Variants in U2SURP observed in about 807,000 individuals in gnomAD.
The protein encoded by U2SURP is U2 snRNP-associated SURP motif-containing protein.
Under a neutral mutation model 144.9 loss-of-function variants are expected in U2SURP, and 9 were observed. The ratio of observed to expected loss-of-function variants is 0.06; its 90% CI spans 0.04 to 0.11. The LOEUF is 0.11. Ranked by LOEUF, U2SURP falls within the 10% of genes least tolerant of loss-of-function variation. U2SURP has a pLI of 1.00. For missense variants in U2SURP, 724 were observed against 1,226.7 expected, an observed-to-expected ratio of 0.59 and a Z score of 6.12; for synonymous variants, 408 against 396.8, an observed-to-expected ratio of 1.03 and a Z score of -0.33.
chr3:143,035,116 T>C, intron 19 of U2SURP, 141 bp downstream of exon 19: 1 of 455,990 alleles, frequency 2.2e-6, no homozygotes, highest in Middle Eastern at 3.3e-4. Context: ...GTTTTAAAAT[T>C]CTGTCGTTTT....
In U2SURP at chr3:143,056,873, A is replaced by G. The variant is rs560781411; in HGVS notation, c.*423A>G. 2 of 173,714 alleles carry G rather than the reference A, an allele frequency of 1.2e-5. No homozygotes were observed. Among genetic ancestry groups the G allele is most frequent in the Non-Finnish European group, 1.2e-5 (1 of 80,128 alleles). 10.8% of individuals were successfully genotyped at this position (173,714 alleles called of 1,614,324 possible). ...GTTGTTTTTTTGCCCCACCGGTGATATTAAGTCCCTTAAAGTCCTACTGAG... is the reference window on the plus strand; with the variant it reads ...GTTGTTTTTTTGCCCCACCGGTGATGTTAAGTCCCTTAAAGTCCTACTGAG... On this transcript the variant is annotated 3_prime_UTR_variant, in exon 28 of 28. Transcript: ENST00000473835.
At chr3:143,049,705 T>C (rs892108661) in intron 24 of U2SURP, among the ~76,000 whole-genome samples, 1 of 152,214 alleles carries the variant, frequency 6.6e-6, no homozygotes, top group African/African-American at 2.4e-5. Flanking sequence ...GGATAGTTTT[T>C]ATTTTAACCA....
chr3:143,038,421 A>G (rs1281255665), intron 22 of U2SURP, among the ~76,000 whole-genome samples: 1 of 152,006 alleles, frequency 6.6e-6, no homozygotes, highest in Non-Finnish European at 1.5e-5. Context: ...GAGTAATGAG[A>G]TATCACTGAA....
chr3:143,046,244 T>A (rs924570825), intron 24 of U2SURP, among the ~76,000 whole-genome samples: 4 of 150,122 alleles, frequency 2.7e-5, no homozygotes, highest in African/African-American at 9.7e-5. Flanking sequence ...CTATATGATG[T>A]TGTGGTGGCC....
intron 4 of U2SURP, among the ~76,000 whole-genome samples, 200 bp from the exon 5 acceptor site, chr3:143,016,050 CTGCAAAT>C (rs1031395957): frequency 2.0e-5 from 3 of 152,090 alleles, no homozygotes; most frequent in Non-Finnish European, 2.9e-5. Context: ...TTTTCTAGTT[CTGCAAAT>C]TGCCGGTAGA....
At chr3:143,041,234 C>G (rs749977388) in intron 23 of U2SURP, among the ~76,000 whole-genome samples, 2 of 151,842 alleles carry the variant, frequency 1.3e-5, no homozygotes, top group Non-Finnish European at 3.0e-5. Context: ...CACACATACA[C>G]TTCAATCTAA....
chr3:143,026,507 A>G (rs1933156756), intron 13 of U2SURP: 1 of 152,158 alleles, frequency 6.6e-6, no homozygotes, highest in Non-Finnish European at 1.5e-5. Context: ...TATTTCATGA[A>G]TTGTGAACTA....
intron 1 of U2SURP, among the ~76,000 whole-genome samples, chr3:143,004,884 A>T (rs991728668): frequency 1.3e-5 from 2 of 152,010 alleles, no homozygotes; most frequent in Non-Finnish European, 2.9e-5. Flanking sequence ...AGGGGTGTTG[A>T]TGTTATGTAG....
At chr3:143,030,652 T>G (rs1933426669) in intron 16 of U2SURP, among the ~76,000 whole-genome samples, 1 of 152,186 alleles carries the variant, frequency 6.6e-6, no homozygotes, top group African/African-American at 2.4e-5. Context: ...AAGAAATATA[T>G]TTCATAAGGC....
chr3:143,015,723 C>T (rs999505256), intron 4 of U2SURP, among the ~76,000 whole-genome samples: 1 of 151,894 alleles, frequency 6.6e-6, no homozygotes, highest in Non-Finnish European at 1.5e-5. Context: ...TTCCATTGGC[C>T]TTTCTTCTGT....
chr3:143,047,344 G>A (rs1392788021), intron 24 of U2SURP, among the ~76,000 whole-genome samples: 1 of 12,110 alleles, frequency 8.3e-5, no homozygotes, highest in Non-Finnish European at 1.3e-4. Flanking sequence ...CCCCCTCCCG[G>A]ACGGGGTGGC....
chr3:143,004,934 T>G (rs947172038), intron 1 of U2SURP, among the ~76,000 whole-genome samples: 2 of 152,160 alleles, frequency 1.3e-5, no homozygotes, highest in African/African-American at 4.8e-5. Flanking sequence ...AGCCTGTAAT[T>G]GTTTACTTAT....
chr3:143,004,258 G>A (rs1021326249), intron 1 of U2SURP, among the ~76,000 whole-genome samples: 8 of 147,718 alleles, frequency 5.4e-5, no homozygotes, highest in African/African-American at 2.0e-4. Flanking sequence ...TTGGGAAAAT[G>A]TTAATTTTAA....
At chr3:143,039,619 TTA>T (rs1403598334) in intron 23 of U2SURP, among the ~76,000 whole-genome samples, 4 of 143,628 alleles carry the variant, frequency 2.8e-5, no homozygotes, top group African/African-American at 1.1e-4. Context: ...TTTTTTTTTT[TTA>T]AATGAGTAGG....
chr3:143,033,413 A>G, intron 18 of U2SURP, 63 bp downstream of exon 18: 1 of 902,148 alleles, frequency 1.1e-6, no homozygotes, highest in East Asian at 2.7e-5. Context: ...GAGTTCAGAA[A>G]AGAGGATTGT....
intron 24 of U2SURP, among the ~76,000 whole-genome samples, chr3:143,045,607 G>A (rs1934391561): frequency 6.6e-6 from 1 of 152,014 alleles, no homozygotes; most frequent in Non-Finnish European, 1.5e-5. Context: ...TTTCCACCTT[G>A]TATACGTATA....
chr3:143,048,337 C>G (rs1394388907), intron 24 of U2SURP, among the ~76,000 whole-genome samples: 1 of 152,174 alleles, frequency 6.6e-6, no homozygotes, highest in Non-Finnish European at 1.5e-5. Flanking sequence ...AATCCCTTCT[C>G]TCCCCTAAGT....
rs145557562 is a variant in U2SURP at position 143,054,280 on chromosome 3, G to T, written c.2774+486G>T. On this transcript the variant is annotated intron_variant, in intron 26 of 27. Transcript: ENST00000473835. ...TCAGTTTTTATGTCTTACTCTCACGGTTCCTAAATCTCTGATTGAGTAAAG... is the reference window on the plus strand; with the variant it reads ...TCAGTTTTTATGTCTTACTCTCACGTTTCCTAAATCTCTGATTGAGTAAAG... Among the ~76,000 whole-genome samples, 579 of 152,220 alleles carry T rather than the reference G, an allele frequency of 3.8e-3. 1 individual carries two copies. Among genetic ancestry groups the T allele is most frequent in the African/African-American group, 0.012 (494 of 41,532 alleles).
At position 143,058,732 on chromosome 3, in the gene U2SURP, A is replaced by G. The variant is rs1379802992; in HGVS notation, c.*2282A>G. The G allele has an allele frequency of 6.6e-6, 1 of 151,932 alleles. No individual in the cohort carries two copies. The highest frequency in any genetic ancestry group is 2.1e-4 in the South Asian group (1 of 4,834). 9.4% of individuals were successfully genotyped at this position (151,932 alleles called of 1,614,324 possible). On this transcript the variant is annotated 3_prime_UTR_variant, in exon 28 of 28. Coordinates refer to ENST00000473835, the MANE Select transcript of U2SURP (RefSeq NM_001080415.2). The stretch of plus-strand genomic sequence containing the variant: ...CTTATAAGGGGGAAGATATTCTACC[A>G]TATTTTTATAATAGCTTATTATTCA...
Sources: gnomAD v4.1 joint callset for allele counts (sites outside exome capture counted in the v4.1 genomes callset) on GRCh38, gnomAD v4.1.1 for gene constraint, MANE v1.5 for transcripts, NCBI Gene and HGNC (gene_info 2026-07-23, HGNC 2026-07-21) for gene names.